The following DENND1A variants were observed in gnomAD, a reference collection of about 807,000 sequenced individuals.
The protein encoded by DENND1A is DENN domain-containing protein 1A.
DENND1A carries 51 observed loss-of-function variants against 113.7 expected under a neutral mutation model. The ratio of observed to expected loss-of-function variants is 0.45; its 90% CI spans 0.36 to 0.57. The LOEUF is 0.57. Ranked by LOEUF, DENND1A falls within the 20% of genes least tolerant of loss-of-function variation. The pLI is 0.00. For synonymous variants in DENND1A, 565 were observed against 570.8 expected (o/e 0.99, Z 0.14); for missense variants, 1,258 against 1,395.9 (o/e 0.90, Z 1.57).
At chr9:123,755,878 G>A (rs2131379743) in intron 5 of DENND1A, among the ~76,000 whole-genome samples, 1 of 152,280 alleles carries the variant, frequency 6.6e-6, no homozygotes, top group East Asian at 1.9e-4. Context: ...TAAACAGTAG[G>A]CTATGGAATA....
intron 3 of DENND1A, among the ~76,000 whole-genome samples, chr9:123,787,535 T>C (rs574612749): frequency 2.0e-4 from 31 of 152,318 alleles, no homozygotes; most frequent in Non-Finnish European, 2.9e-4. Context: ...ATTGGTTATA[T>C]TGTGAATAAC....
In DENND1A at chr9:123,764,119, G is replaced by A. The variant is rs894038994; in HGVS notation, c.182+5395C>T. On this transcript the variant is annotated intron_variant, in intron 4 of 23. Transcript: ENST00000394215. This position sits in a 1 kb window ranked among gnomAD's most constrained non-coding sequence, Gnocchi z 4.1. The stretch of plus-strand genomic sequence containing the variant: ...TCAGCAGTTATGTGGGCATAGACAA[G>A]TTATTATACTTCTCTGATCTCATCT... 5.3e-5 allele frequency among the ~76,000 whole-genome samples: 8 copies of A among 152,170 alleles called. No individual in the cohort carries two copies. Among genetic ancestry groups the A allele is most frequent in the Non-Finnish European group, 1.2e-4 (8 of 68,026 alleles).
chr9:123,401,427 C>T lies in DENND1A; in HGVS notation c.1631+1975G>A, dbSNP rs537238782. 17 of 1,031,762 alleles carry T rather than the reference C, an allele frequency of 1.6e-5. No individual in the cohort carries two copies. The East Asian group carries it at 8.2e-4, about 50-fold the overall frequency. 63.9% of individuals were successfully genotyped at this position (1,031,762 alleles called of 1,614,324 possible). ...TACCACTGGTATTATGGGAGAACAA[C>T]TTCCCCTTCCTCGTTAAACAAACGT... On this transcript the variant is annotated intron_variant, in intron 21 of 23. Coordinates refer to ENST00000394215, the MANE Select transcript of DENND1A (RefSeq NM_001352964.2).
intron 4 of DENND1A, among the ~76,000 whole-genome samples, chr9:123,758,887 A>AC (rs1051944721): frequency 2.0e-5 from 3 of 151,828 alleles, no homozygotes; most frequent in African/African-American, 7.3e-5. Context: ...TGCAACCTCC[A>AC]CCTCCCTGGT....
intron 11 of DENND1A, among the ~76,000 whole-genome samples, chr9:123,591,649 G>A (rs2059460616): frequency 6.6e-6 from 1 of 152,218 alleles, no homozygotes; most frequent in Non-Finnish European, 1.5e-5. Flanking sequence ...TTTGTCTCCA[G>A]TGTCCAGCAC....
chr9:123,466,287 G>T (rs548362277), intron 13 of DENND1A, among the ~76,000 whole-genome samples: 1 of 151,804 alleles, frequency 6.6e-6, no homozygotes, highest in African/African-American at 2.4e-5. Context: ...ATGAGCCACC[G>T]TGCCTGCCTT....
chr9:123,823,897 C>G (rs942193960), intron 2 of DENND1A, among the ~76,000 whole-genome samples: 1 of 151,990 alleles, frequency 6.6e-6, no homozygotes, highest in Admixed American at 6.6e-5. Context: ...AGAGGGGAAC[C>G]CTGTTGAATA....
At chr9:123,549,936 C>A (rs1046765789) in intron 13 of DENND1A, among the ~76,000 whole-genome samples, 1 of 152,076 alleles carries the variant, frequency 6.6e-6, no homozygotes, top group Non-Finnish European at 1.5e-5. Flanking sequence ...AAAACAAATC[C>A]GAAAACAGTT....
intron 13 of DENND1A, among the ~76,000 whole-genome samples, chr9:123,495,588 C>G (rs192830740): frequency 7.6e-4 from 115 of 152,300 alleles, no homozygotes; most frequent in African/African-American, 2.6e-3. Context: ...ACTTCTACAT[C>G]TTGAGAGAAC....
At chr9:123,756,636 T>C (rs2070575876) in intron 5 of DENND1A, among the ~76,000 whole-genome samples, 1 of 152,116 alleles carries the variant, frequency 6.6e-6, no homozygotes, top group African/African-American at 2.4e-5. Context: ...AAGATTTGTG[T>C]AGAGAAATGC....
intron 21 of DENND1A, among the ~76,000 whole-genome samples, chr9:123,393,653 C>T (rs908202919): frequency 3.3e-5 from 5 of 152,086 alleles, no homozygotes; most frequent in Non-Finnish European, 7.3e-5. Flanking sequence ...GTTCTCTGTG[C>T]GACCCAGGAT....
At chr9:123,416,641 A>G (rs1399741074) in intron 19 of DENND1A, among the ~76,000 whole-genome samples, 3 of 152,220 alleles carry the variant, frequency 2.0e-5, no homozygotes, top group Admixed American at 6.5e-5. Context: ...TCAATTCGAC[A>G]GTTCCTCCAG....
intron 8 of DENND1A, among the ~76,000 whole-genome samples, chr9:123,665,337 C>G (rs1408977890): frequency 6.6e-6 from 1 of 152,026 alleles, no homozygotes; most frequent in Non-Finnish European, 1.5e-5. Context: ...GAGAAAAGCA[C>G]CAAATATATA....
intron 2 of DENND1A, among the ~76,000 whole-genome samples, chr9:123,810,843 C>A (rs1349546376): frequency 6.6e-6 from 1 of 150,950 alleles, no homozygotes; most frequent in African/African-American, 2.4e-5. Flanking sequence ...ACTGCAACCT[C>A]TGCCTCCCGG....
rs567172699 is a variant in DENND1A at position 123,813,100 on chromosome 9, C to T, written c.89-20470G>A. ...CAGTAGCTGGGACCACAGGCGCACA[C>T]CACCACAGGCACCTGTGGTCTCAGC... On this transcript the variant is annotated intron_variant, in intron 2 of 23. Transcript: ENST00000394215. 4.3e-4 allele frequency among the ~76,000 whole-genome samples: 65 copies of T among 152,208 alleles called. 1 individual carries two copies. The Middle Eastern group carries it at 0.01, about 24-fold the overall frequency.
intron 21 of DENND1A, among the ~76,000 whole-genome samples, chr9:123,399,074 G>A (rs911913532): frequency 2.0e-5 from 3 of 152,164 alleles, no homozygotes; most frequent in Non-Finnish European, 4.4e-5. Context: ...GGGATTACAG[G>A]TGTGAGCCAC....
chr9:123,706,863 C>T (rs2066249757), intron 5 of DENND1A, among the ~76,000 whole-genome samples: 1 of 151,174 alleles, frequency 6.6e-6, no homozygotes, highest in Non-Finnish European at 1.5e-5. Flanking sequence ...TAGTATTGTC[C>T]TGCCCTTAAC....
chr9:123,409,088 A>G (rs1327359198), intron 20 of DENND1A, among the ~76,000 whole-genome samples: 2 of 152,178 alleles, frequency 1.3e-5, no homozygotes, highest in African/African-American at 2.4e-5. Context: ...TTGGCTACAA[A>G]TTAGGGAGAT....
chr9:123,690,119 G>A (rs1483334427), intron 5 of DENND1A, among the ~76,000 whole-genome samples: 1 of 86,126 alleles, frequency 1.2e-5, no homozygotes, highest in Non-Finnish European at 2.3e-5. Context: ...GAAGAAAAAG[G>A]AGGGAGGGGG....
Sources: allele counts gnomAD v4.1 joint callset (sites outside exome capture counted in the v4.1 genomes callset), GRCh38; gene constraint gnomAD v4.1.1; non-coding constraint Gnocchi (gnomAD v3.1); transcripts MANE v1.5; gene names NCBI Gene and HGNC (gene_info 2026-07-23, HGNC 2026-07-21).